The following PCNX1 variants were observed in gnomAD, a reference collection of about 807,000 sequenced individuals.
PCNX1 encodes pecanex 1.
PCNX1 carries 78 observed loss-of-function variants against 242.2 expected under a neutral mutation model. The ratio of observed to expected loss-of-function variants is 0.32; its 90% CI spans 0.27 to 0.39. The LOEUF (loss-of-function observed/expected upper bound fraction) is 0.39, where lower values mean the gene tolerates loss of function less well. PCNX1 is among the 10% of genes least tolerant of loss of function. The probability of loss-of-function intolerance (pLI) is 1.00; values close to 1 mark genes in which losing one functional copy is unlikely to be tolerated. For synonymous variants in PCNX1, 1,024 were observed against 1,032.9 expected (o/e 0.99, Z 0.17); for missense variants, 2,581 against 2,856.5 (o/e 0.90, Z 2.20).
rs1484120783 is a variant in PCNX1 at position 70,940,448 on chromosome 14, A to G, written c.154-6467A>G. The stretch of plus-strand genomic sequence containing the variant: ...ATTCTTTTCTTTAAGAATGTTGAAT[A>G]TTGGCCCCCACTCTCTTCTTGATTG... On this transcript the variant is annotated intron_variant, in intron 1 of 35. Coordinates refer to ENST00000304743, the MANE Select transcript of PCNX1 (RefSeq NM_014982.3). Among the ~76,000 whole-genome samples, 24 of 152,192 alleles carry G rather than the reference A, an allele frequency of 1.6e-4. 1 individual carries two copies. The highest frequency in any genetic ancestry group is 8.8e-5 in the Non-Finnish European group (6 of 68,044).
At chr14:70,967,045 A>C (rs1231615443) in intron 3 of PCNX1, among the ~76,000 whole-genome samples, 1 of 152,198 alleles carries the variant, frequency 6.6e-6, no homozygotes, top group African/African-American at 2.4e-5. Flanking sequence ...TGGCTACCTC[A>C]AGAGTTTATT....
chr14:70,961,688 A>C (rs2058219911), intron 2 of PCNX1, among the ~76,000 whole-genome samples: 1 of 152,232 alleles, frequency 6.6e-6, no homozygotes, highest in Non-Finnish European at 1.5e-5. Flanking sequence ...AAAACAAGTT[A>C]GTATTCTAGT....
intron 8 of PCNX1, among the ~76,000 whole-genome samples, chr14:71,002,899 A>G (rs2059545548): frequency 6.6e-6 from 1 of 152,128 alleles, no homozygotes. Context: ...GTTGGCCTTT[A>G]GAATTGTAGA....
At chr14:71,047,129 T>A (rs1386752289) in intron 21 of PCNX1, 24 bp downstream of exon 21, 1 of 1,404,004 alleles carries the variant, frequency 7.1e-7, no homozygotes, top group Admixed American at 2.0e-5. Flanking sequence ...TCTTCTAATA[T>A]TGTCTGACTA....
At chr14:70,927,963 G>T (rs2140138550) in intron 1 of PCNX1, among the ~76,000 whole-genome samples, 1 of 151,978 alleles carries the variant, frequency 6.6e-6, no homozygotes, top group African/African-American at 2.4e-5. Flanking sequence ...AAGAATATAA[G>T]CAAAATAATT....
At chr14:70,932,092 A>C (rs190135610) in intron 1 of PCNX1, among the ~76,000 whole-genome samples, 1 of 152,236 alleles carries the variant, frequency 6.6e-6, no homozygotes, top group Admixed American at 6.5e-5. Context: ...GCGCCATTGC[A>C]CTCCAGCCTG....
chr14:71,050,252 A>G (rs1255226196), intron 22 of PCNX1, among the ~76,000 whole-genome samples: 1 of 152,042 alleles, frequency 6.6e-6, no homozygotes, highest in African/African-American at 2.4e-5. Context: ...TACATGTGCC[A>G]TGCTGGTGCG....
intron 2 of PCNX1, among the ~76,000 whole-genome samples, chr14:70,955,113 A>C (rs2057942842): frequency 6.6e-6 from 1 of 152,312 alleles, no homozygotes; most frequent in East Asian, 1.9e-4. Context: ...AAAATGGTTC[A>C]ATCTTTTAGA....
intron 28 of PCNX1, among the ~76,000 whole-genome samples, chr14:71,085,061 G>A (rs917804861): frequency 1.3e-5 from 2 of 152,192 alleles, no homozygotes; most frequent in African/African-American, 4.8e-5. Flanking sequence ...GTTCCTCACG[G>A]CACGGTCCAT....
At chr14:70,998,682 C>G (rs138993334) in intron 8 of PCNX1, among the ~76,000 whole-genome samples, 1 of 136,180 alleles carries the variant, frequency 7.3e-6, no homozygotes. Flanking sequence ...ATCTGGGAGG[C>G]GGAGGTTGCA....
At chr14:71,011,028 G>C (rs1164666356) in intron 9 of PCNX1, among the ~76,000 whole-genome samples, 1 of 152,118 alleles carries the variant, frequency 6.6e-6, no homozygotes, top group Admixed American at 6.5e-5. Context: ...TGTAGTTCAA[G>C]AGAACAATTC....
In PCNX1 at chr14:71,076,434, A is replaced by C; in HGVS notation, c.5337+15A>C. 1.3e-6 allele frequency: 2 copies of C among 1,485,522 alleles called. No homozygotes were observed. The highest frequency in any genetic ancestry group is 1.9e-6 in the Non-Finnish European group (2 of 1,064,940). 92.0% of individuals were successfully genotyped at this position (1,485,522 alleles called of 1,614,324 possible). On this transcript the variant is annotated intron_variant, in intron 28 of 35. Transcript: ENST00000304743. ...GAAGAGCAAAGGTAGAGTTTATTTC[A>C]TTTATAACTCTTTGAATCCAGGTTT...
chr14:70,960,332 T>A (rs1393140470), intron 2 of PCNX1, among the ~76,000 whole-genome samples: 1 of 151,070 alleles, frequency 6.6e-6, no homozygotes, highest in Non-Finnish European at 1.5e-5. Flanking sequence ...TGGTAAAGCC[T>A]AGGTTTTCTT....
At chr14:70,941,108 C>CA (rs1207650983) in intron 1 of PCNX1, among the ~76,000 whole-genome samples, 1 of 152,172 alleles carries the variant, frequency 6.6e-6, no homozygotes, top group Non-Finnish European at 1.5e-5. Context: ...TATTACTGAT[C>CA]TTTTGAAGCC....
At chr14:70,924,330 A>G (rs2056504132) in intron 1 of PCNX1, among the ~76,000 whole-genome samples, 1 of 152,086 alleles carries the variant, frequency 6.6e-6, no homozygotes. Flanking sequence ...ATGCATAGAA[A>G]AGTCTCAAAG....
intron 28 of PCNX1, among the ~76,000 whole-genome samples, chr14:71,082,429 C>T (rs529762987): frequency 1.2e-4 from 18 of 151,964 alleles, no homozygotes; most frequent in African/African-American, 3.4e-4. Flanking sequence ...TTTTCTATCT[C>T]GCTGATCTAA....
intron 30 of PCNX1, among the ~76,000 whole-genome samples, chr14:71,090,069 C>G (rs2062090679): frequency 1.3e-5 from 2 of 152,278 alleles, no homozygotes; most frequent in South Asian, 4.1e-4. Context: ...TTAGCCAACT[C>G]TAAATATAGT....
At chr14:70,953,947 C>T (rs1234121943) in intron 2 of PCNX1, among the ~76,000 whole-genome samples, 2 of 152,136 alleles carry the variant, frequency 1.3e-5, no homozygotes, top group Non-Finnish European at 2.9e-5. Flanking sequence ...GGATTACAGG[C>T]GTGATCCACG....
chr14:70,953,246 T>G (rs757093399), intron 2 of PCNX1, among the ~76,000 whole-genome samples: 1 of 152,180 alleles, frequency 6.6e-6, no homozygotes, highest in South Asian at 2.1e-4. Context: ...ACCACTGCAC[T>G]CCAGCCTGGG....
Sources: gnomAD v4.1 joint callset for allele counts (sites outside exome capture counted in the v4.1 genomes callset) on GRCh38, gnomAD v4.1.1 for gene constraint, MANE v1.5 for transcripts, NCBI Gene and HGNC (gene_info 2026-07-23, HGNC 2026-07-21) for gene names.